The following IKBKB variants were observed in gnomAD, a reference collection of about 807,000 sequenced individuals.
IKBKB encodes the protein inhibitor of nuclear factor kappa B kinase subunit beta, also known as inhibitor of nuclear factor kappa-B kinase subunit beta.
IKBKB carries 42 observed loss-of-function variants against 113.6 expected under a neutral mutation model. That is an observed-to-expected ratio of 0.37 (90% CI 0.29 to 0.48). The LOEUF is 0.48. Among genes scored for constraint, IKBKB ranks in the 20% least tolerant of loss-of-function variants. IKBKB has a pLI of 0.99. For synonymous variants in IKBKB, 296 were observed against 361.3 expected (o/e 0.82, Z 2.05); for missense variants, 673 against 939.7 (o/e 0.72, Z 3.71).
rs1351946354 is a variant in IKBKB, at chr8:42,316,518, G to T, written c.930+179G>T. Among the ~76,000 whole-genome samples, 2 of 152,178 alleles carry T rather than the reference G, an allele frequency of 1.3e-5. No homozygotes were observed. The highest frequency in any genetic ancestry group is 2.9e-5 in the Non-Finnish European group (2 of 68,044). On this transcript the variant is annotated intron_variant, in intron 10 of 21. Transcript: ENST00000520810. The surrounding 1 kb of genome is among the most constrained non-coding windows in gnomAD (Gnocchi z 4.5). ...TTGTGCTAATTGACATTGGCTATGA[G>T]GTCATAGCCACAGACAGGATTATGA...
rs1379105237 is a variant in IKBKB at position 42,317,678 on chromosome 8, G to C, written c.1147G>C (p.Asp383His). 2.5e-6 allele frequency: 4 copies of C among 1,613,174 alleles called. No homozygotes were observed. The highest frequency in any genetic ancestry group is 1.6e-4 in the Middle Eastern group (1 of 6,082). ...DGKLNEGHTL[D>H]MDLVFLFDNS... is the part of the protein sequence containing the mutation. ...GCAGTTAAATGAGGGCCACACATTG[G>C]ACATGGATCTTGTTTTTCTCTTTGA... is the stretch of plus-strand genomic sequence containing the variant. The change falls in exon 12 of 22, where the codon GAC becomes CAC. Residue 383 changes from aspartate (D) to histidine (H), a missense_variant. Transcript: ENST00000520810.
At chr8:42,303,151 A>G (rs1240002199) in intron 5 of IKBKB, among the ~76,000 whole-genome samples, 1 of 151,414 alleles carries the variant, frequency 6.6e-6, no homozygotes, top group African/African-American at 2.4e-5. Context: ...AGAGAATGAG[A>G]GAGAGAATGA....
At chr8:42,325,800 C>T in intron 19 of IKBKB, 170 bp from the exon 20 acceptor site, 2 of 1,463,178 alleles carry the variant, frequency 1.4e-6, no homozygotes, top group Non-Finnish European at 1.8e-6. Flanking sequence ...ACTTTTGAAG[C>T]CAGATGTGAA....
At chr8:42,300,996 G>A (rs549933735) in intron 5 of IKBKB, among the ~76,000 whole-genome samples, 447 of 152,260 alleles carry the variant, frequency 2.9e-3, no homozygotes, top group African/African-American at 1.0e-2. Flanking sequence ...CTGGGATGAA[G>A]GCATGCGCCA....
intron 2 of IKBKB, among the ~76,000 whole-genome samples, chr8:42,286,684 C>T (rs979883338): frequency 6.6e-6 from 1 of 152,282 alleles, no homozygotes; most frequent in East Asian, 1.9e-4. Flanking sequence ...CCAGGCTGAT[C>T]TGTGTGTCTT....
intron 4 of IKBKB, among the ~76,000 whole-genome samples, chr8:42,292,343 G>A (rs1312855494): frequency 6.6e-6 from 1 of 152,182 alleles, no homozygotes; most frequent in Non-Finnish European, 1.5e-5. Flanking sequence ...AGAAGAGATC[G>A]AAAGTTTAAC....
At chr8:42,313,225 C>T (rs1228153413) in intron 8 of IKBKB, among the ~76,000 whole-genome samples, 3 of 152,088 alleles carry the variant, frequency 2.0e-5, no homozygotes, top group South Asian at 2.1e-4. Context: ...CCAAAGTGAG[C>T]GAATTGCTTG....
At position 42,305,172 on chromosome 8, in the gene IKBKB, C is replaced by A; in HGVS notation, c.389-15C>A. Reference sequence around the variant, plus strand: ...TTTTTTAGGCCTAAGAAAAACTCACCCCCCTCTTCCTCAGCCTCTGCGCTT... The same window carrying A: ...TTTTTTAGGCCTAAGAAAAACTCACACCCCTCTTCCTCAGCCTCTGCGCTT... On this transcript the variant is annotated splice_polypyrimidine_tract_variant and intron_variant, in intron 5 of 21. Transcript: ENST00000520810. The A allele has an allele frequency of 6.3e-7, 1 of 1,595,914 alleles. No individual in the cohort carries two copies. Among genetic ancestry groups the A allele is most frequent in the Non-Finnish European group, 8.6e-7 (1 of 1,163,962 alleles).
chr8:42,271,340 G>A lies in IKBKB; in HGVS notation c.-148G>A, dbSNP rs998156141. On this transcript the variant is annotated 5_prime_UTR_variant, in exon 1 of 22. Transcript: ENST00000520810. ...AGGAAGTGTTTGAGGAAGTCGCGCC[G>A]CGCTGCCCGCGTTAAGATTCCCGCA... is the stretch of plus-strand genomic sequence containing the variant. The A allele has an allele frequency of 5.7e-6, 7 of 1,222,616 alleles. No homozygotes were observed. Among genetic ancestry groups the A allele is most frequent in the Middle Eastern group, 1.8e-4 (1 of 5,410 alleles). 75.7% of individuals were successfully genotyped at this position (1,222,616 alleles called of 1,614,324 possible).
Position 42,314,384 on chromosome 8 carries a change from C to T in IKBKB, c.755C>T (p.Thr252Met), listed in dbSNP as rs374916045. Reference protein sequence around the residue: ...DIVVSEDLNGTVKFSSSLPYP... With the variant: ...DIVVSEDLNGMVKFSSSLPYP... The stretch of plus-strand genomic sequence containing the variant: ...GTTGTTAGCGAAGACTTGAATGGAA[C>T]GGTGAAGTTTTCAAGCTCTTTACCC... The change falls in exon 9 of 22, where the codon ACG becomes ATG. Residue 252 changes from threonine to methionine, a missense_variant. Thr to Met is a moderately conservative substitution (Grantham distance 81). Transcript: ENST00000520810. The T allele has an allele frequency of 6.2e-6, 10 of 1,613,758 alleles. No homozygotes were observed. The highest frequency in any genetic ancestry group is 1.6e-4 in the Middle Eastern group (1 of 6,062).
chr8:42,295,338 C>T (rs950188814), intron 5 of IKBKB, among the ~76,000 whole-genome samples: 1 of 152,056 alleles, frequency 6.6e-6, no homozygotes, highest in Non-Finnish European at 1.5e-5. Context: ...AGGATGGTCT[C>T]GAACTCTTGA....
rs1261657596 is a variant in IKBKB, at chr8:42,331,275, A to G, written c.*296A>G. The G allele has an allele frequency of 7.1e-6, 5 of 702,050 alleles. No individual in the cohort carries two copies. Among genetic ancestry groups the G allele is most frequent in the Admixed American group, 2.0e-5 (1 of 50,004 alleles). The allele number at this position is 702,050 out of a possible 1,614,324, so 43.5% of individuals were successfully genotyped here. On this transcript the variant is annotated 3_prime_UTR_variant, in exon 22 of 22. Coordinates refer to ENST00000520810, the MANE Select transcript of IKBKB (RefSeq NM_001556.3). ...TGGAGGTCCTCCATTACAGAGGCCCAGCGCACATCGCTGGCCCCACAAACG... is the reference window on the plus strand; with the variant it reads ...TGGAGGTCCTCCATTACAGAGGCCCGGCGCACATCGCTGGCCCCACAAACG...
Position 42,331,285 on chromosome 8 carries a change from G to A in IKBKB, c.*306G>A, listed in dbSNP as rs201441801. The A allele has an allele frequency of 1.0e-5, 7 of 702,124 alleles. No homozygotes were observed. Among genetic ancestry groups the A allele is most frequent in the African/African-American group, 3.5e-5 (2 of 57,240 alleles). 43.5% of individuals were successfully genotyped at this position (702,124 alleles called of 1,614,324 possible). On this transcript the variant is annotated 3_prime_UTR_variant, in exon 22 of 22. Coordinates refer to ENST00000520810, the MANE Select transcript of IKBKB (RefSeq NM_001556.3). ...CCATTACAGAGGCCCAGCGCACATC[G>A]CTGGCCCCACAAACGTTCAGGGGTA...
chr8:42,308,099 T>C (rs17875706), intron 7 of IKBKB, among the ~76,000 whole-genome samples: 1 of 152,158 alleles, frequency 6.6e-6, no homozygotes, highest in African/African-American at 2.4e-5. Flanking sequence ...TGCAACCACA[T>C]GGTACCTGGT....
At position 42,272,229 on chromosome 8, in the gene IKBKB, G is replaced by A. The variant is rs761778161; in HGVS notation, c.105+24G>A. ...AGGTAGGCCCTCTGTGCAGCTTGGG[G>A]AGGGGCGGGGAGCCAGGCCCCCTCC... On this transcript the variant is annotated intron_variant, in intron 2 of 21. Transcript: ENST00000520810. 2.4e-5 allele frequency: 39 copies of A among 1,613,902 alleles called. No individual in the cohort carries two copies. In the Admixed American group the frequency reaches 6.5e-4, roughly 27 times the overall value.
chr8:42,331,669 G>T lies in IKBKB; in HGVS notation c.*690G>T. On this transcript the variant is annotated 3_prime_UTR_variant, in exon 22 of 22. Transcript: ENST00000520810. ...AGCGAGTGCCAAGCTCTCCATCTGT[G>T]GTCCTTTCTGCCAAGAGCGACTCAT... 3 of 506,404 alleles carry T rather than the reference G, an allele frequency of 5.9e-6. No homozygotes were observed. Among genetic ancestry groups the T allele is most frequent in the Non-Finnish European group, 1.1e-5 (3 of 279,980 alleles). 31.4% of individuals were successfully genotyped at this position (506,404 alleles called of 1,614,324 possible).
intron 4 of IKBKB, among the ~76,000 whole-genome samples, chr8:42,290,847 C>G (rs1291048142): frequency 6.6e-6 from 1 of 152,238 alleles, no homozygotes; most frequent in East Asian, 1.9e-4. Flanking sequence ...CACACCACCT[C>G]CTCTTCCCTA....
chr8:42,278,202 C>G (rs949201738), intron 2 of IKBKB, among the ~76,000 whole-genome samples: 1 of 152,124 alleles, frequency 6.6e-6, no homozygotes. Context: ...CCTGAGGGGC[C>G]TCTGTGGAGG....
chr8:42,294,479 G>C (rs958833413), intron 5 of IKBKB, among the ~76,000 whole-genome samples: 1 of 152,208 alleles, frequency 6.6e-6, no homozygotes, highest in African/African-American at 2.4e-5. Context: ...GGCCTGGAAG[G>C]GTTGATGGTC....
Sources: allele counts gnomAD v4.1 joint callset (sites outside exome capture counted in the v4.1 genomes callset), GRCh38; gene constraint gnomAD v4.1.1; non-coding constraint Gnocchi (gnomAD v3.1); transcripts MANE v1.5; gene names NCBI Gene and HGNC (gene_info 2026-07-23, HGNC 2026-07-21).